Variants in GGCX observed in about 807,000 individuals in gnomAD.
The protein encoded by GGCX is vitamin K-dependent gamma-carboxylase.
A neutral mutation model predicts 88.5 loss-of-function variants in GGCX; 63 were observed. The ratio of observed to expected loss-of-function variants is 0.71; its 90% CI spans 0.58 to 0.88. GGCX has a LOEUF of 0.88. Among genes scored for constraint, GGCX ranks in the 40% least tolerant of loss-of-function variants. The pLI is 0.00. For synonymous variants in GGCX, 368 were observed against 365.8 expected (o/e 1.01, Z -0.07); for missense variants, 805 against 932.9 (o/e 0.86, Z 1.79).
Position 85,548,945 on chromosome 2 carries a change from ATGC to A in GGCX, c.*986_*988del, listed in dbSNP as rs1298001524. The A allele has an allele frequency of 6.6e-6, 1 of 152,208 alleles. No homozygotes were observed. Among genetic ancestry groups the A allele is most frequent in the Non-Finnish European group, 1.5e-5 (1 of 68,036 alleles). 9.4% of individuals were successfully genotyped at this position (152,208 alleles called of 1,614,324 possible). ...ATCTAGATTTCCTTATTTAACTTTG[ATGC>A]TGCTATTCTGACTGCTCTCATAACT... On this transcript the variant is annotated 3_prime_UTR_variant, in exon 15 of 15. Coordinates refer to ENST00000233838, the MANE Select transcript of GGCX (RefSeq NM_000821.7).
At chr2:85,561,249 T>A in intron 1 of GGCX, 137 bp downstream of exon 1, 1 of 654,888 alleles carries the variant, frequency 1.5e-6, no homozygotes. Context: ...GCTGCAAATG[T>A]CTCACAGCAC....
Position 85,552,528 on chromosome 2 carries a change from T to A in GGCX, c.1327A>T (p.Met443Leu), listed in dbSNP as rs1692006739. The change falls in exon 10 of 15, where the codon ATG (methionine) becomes TTG (leucine). Residue 443 changes from methionine to leucine, a missense_variant. Coordinates refer to ENST00000233838, the MANE Select transcript of GGCX (RefSeq NM_000821.7). ...QSRRWKDHAD[M>L]LKQYATCLSR... Reference sequence around the variant, plus strand: ...AGGCAAGTGGCATATTGCTTCAGCATGTCTGCATGATCCTTCCATCGCCGA... The same window carrying A: ...AGGCAAGTGGCATATTGCTTCAGCAAGTCTGCATGATCCTTCCATCGCCGA... 6.2e-7 allele frequency: 1 copy of A among 1,613,976 alleles called. No homozygotes were observed.
chr2:85,552,360 T>C, intron 10 of GGCX, 56 bp downstream of exon 10: 1 of 1,520,768 alleles, frequency 6.6e-7, no homozygotes, highest in Middle Eastern at 1.7e-4. Context: ...GGGCTGTTCA[T>C]CTTGGTAAAA....
rs752334469 is a variant in GGCX at position 85,558,460 on chromosome 2, G to C, written c.519C>G (p.Phe173Leu). 5 of 1,613,964 alleles carry C rather than the reference G, an allele frequency of 3.1e-6. No homozygotes were observed. Among genetic ancestry groups the C allele is most frequent in the Non-Finnish European group, 4.2e-6 (5 of 1,179,882 alleles). Reference sequence around the variant, plus strand: ...CATACCAGTAGTGGTTTGCATCCATGAATGTTAGCTGAAAGGCCAACAACC... The same window carrying C: ...CATACCAGTAGTGGTTTGCATCCATCAATGTTAGCTGAAAGGCCAACAACC... ...LYGLLAFQLTFMDANHYWSVD... is the reference protein window; with the variant it reads ...LYGLLAFQLTLMDANHYWSVD... The change falls in exon 4 of 15, where the codon TTC (phenylalanine) becomes TTG (leucine). Residue 173 changes from phenylalanine (F) to leucine (L), a missense_variant. Phe to Leu is a conservative substitution (Grantham distance 22). Around this residue, in one of 3 missense-constraint regions of GGCX, gnomAD observed 680 missense variants for 763.7 expected, o/e 0.89. Coordinates refer to ENST00000233838, the MANE Select transcript of GGCX (RefSeq NM_000821.7).
In GGCX at chr2:85,550,107, A is replaced by C. The variant is rs1691865304; in HGVS notation, c.2104T>G (p.Ser702Ala). 2 of 1,613,452 alleles carry C rather than the reference A, an allele frequency of 1.2e-6. No homozygotes were observed. The highest frequency in any genetic ancestry group is 2.7e-5 in the African/African-American group (2 of 74,914). ...FRRSFLMTCI[S>A]LRNLILGRPS... ...CGGCCTAATATCAGATTTCGAAGTG[A>C]GATACAAGTCATCAGGAAGCTGAAA... is the stretch of plus-strand genomic sequence containing the variant. Residue 702 changes from serine to alanine, a missense_variant, in exon 15 of 15, where the codon TCA becomes GCA. Ser to Ala is a moderately conservative substitution (Grantham distance 99). Around this residue, in one of 3 missense-constraint regions of GGCX, gnomAD observed 680 missense variants for 763.7 expected, o/e 0.89. Transcript: ENST00000233838.
Position 85,551,085 on chromosome 2 carries a change from A to G in GGCX, c.1741-13T>C. ...CACCAGCAGGCAACTGACAAGGGAG[A>G]AGAAATGGATAAATTTCATCAGCTT... On this transcript the variant is annotated splice_polypyrimidine_tract_variant and intron_variant, in intron 12 of 14. Transcript: ENST00000233838. 6.2e-7 allele frequency: 1 copy of G among 1,612,830 alleles called. No homozygotes were observed. The highest frequency in any genetic ancestry group is 8.5e-7 in the Non-Finnish European group (1 of 1,178,938).
rs757424657 is a variant in GGCX at position 85,554,128 on chromosome 2, G to T, written c.889+15C>A. ...AACTGTGGTTCCTGTTTCCTCCCAG[G>T]CTACAGGTACTGACCAATGCTGAAA... On this transcript the variant is annotated intron_variant, in intron 7 of 14. Transcript: ENST00000233838. 1.2e-5 allele frequency: 19 copies of T among 1,604,180 alleles called. No homozygotes were observed. Among genetic ancestry groups the T allele is most frequent in the Non-Finnish European group, 1.6e-5 (19 of 1,171,084 alleles).
In GGCX at chr2:85,556,190, G is replaced by A. The variant is rs1558810558; in HGVS notation, c.610C>T (p.Arg204Cys). The change falls in exon 5 of 15, where the codon CGT (arginine) becomes TGT (cysteine). Residue 204 changes from arginine (R) to cysteine (C), a missense_variant. By Grantham distance (180) the Arg-to-Cys change is radical (BLOSUM62 -3). Around this residue, in one of 3 missense-constraint regions of GGCX, gnomAD observed 680 missense variants for 763.7 expected, o/e 0.89. Transcript: ENST00000233838. Reference protein sequence around the residue: ...HVPLWNYAVLRGQIFIVYFIA... With the variant: ...HVPLWNYAVLCGQIFIVYFIA... Reference sequence around the variant, plus strand: ...GTCCTAAAATGCTGTACCTGGCCACGGAGCACTGCATAGTTCCAAAGGGGC... The same window carrying A: ...GTCCTAAAATGCTGTACCTGGCCACAGAGCACTGCATAGTTCCAAAGGGGC... 1.9e-6 allele frequency: 3 copies of A among 1,606,342 alleles called. No homozygotes were observed. The highest frequency in any genetic ancestry group is 1.3e-5 in the African/African-American group (1 of 74,730).
At chr2:85,556,115 C>T in intron 5 of GGCX, 67 bp downstream of exon 5, 1 of 922,052 alleles carries the variant, frequency 1.1e-6, no homozygotes, top group Non-Finnish European at 1.8e-6. Flanking sequence ...TGTAGTCTGG[C>T]AGTGGGATGG....
chr2:85,554,356 C>T (rs1283648326), intron 6 of GGCX, 50 bp from the exon 7 acceptor site: 2 of 1,561,324 alleles, frequency 1.3e-6, no homozygotes, highest in Non-Finnish European at 1.8e-6. Flanking sequence ...GAGAACACAT[C>T]AAAGCACATT....
intron 8 of GGCX, 80 bp downstream of exon 8, chr2:85,553,152 A>G: frequency 6.2e-7 from 1 of 1,612,088 alleles, no homozygotes; most frequent in Non-Finnish European, 8.5e-7. Context: ...CTGCAAAACC[A>G]GCCCCATTCT....
intron 12 of GGCX, 120 bp from the exon 13 acceptor site, chr2:85,551,192 G>A (rs1274237817): frequency 6.9e-6 from 7 of 1,020,674 alleles, no homozygotes; most frequent in Non-Finnish European, 9.1e-6. Flanking sequence ...CGAAAGTAAC[G>A]GACCTCTAGA....
chr2:85,554,169 C>G lies in GGCX; in HGVS notation c.863G>C (p.Cys288Ser), dbSNP rs1692101538. The change falls in exon 7 of 15, where the codon TGC becomes TCC. Residue 288 changes from cysteine (C) to serine (S), a missense_variant. By Grantham distance (112) the Cys-to-Ser change is moderately radical. This residue lies in a region of GGCX where 680 missense variants were observed against 763.7 expected (regional missense o/e 0.89). Transcript: ENST00000233838. ...IGLFFVSYFHCMNSQLFSIGM... is the reference protein window; with the variant it reads ...IGLFFVSYFHSMNSQLFSIGM... ...AATGCTGAAAAGCTGGGAATTCATGCAGTGGAAGTAGGACACAAAGAACAG... is the reference window on the plus strand; with the variant it reads ...AATGCTGAAAAGCTGGGAATTCATGGAGTGGAAGTAGGACACAAAGAACAG... 1 of 1,613,028 alleles carries G rather than the reference C, an allele frequency of 6.2e-7. No homozygotes were observed. The highest frequency in any genetic ancestry group is 8.5e-7 in the Non-Finnish European group (1 of 1,179,072).
intron 13 of GGCX, 82 bp downstream of exon 13, chr2:85,550,843 T>C (rs1305403057): frequency 1.3e-6 from 2 of 1,577,810 alleles, no homozygotes; most frequent in African/African-American, 2.7e-5. Context: ...TTCAAGTTCA[T>C]TCTTGAATGG....
rs757234491 is a variant in GGCX, at chr2:85,558,484, C to A, written c.495G>T (p.Gly165=). ...TSWNNHSYLY[G]LLAFQLTFMD... The stretch of plus-strand genomic sequence containing the variant: ...TGAATGTTAGCTGAAAGGCCAACAA[C>A]CCATACAGATAGGAGTGGTTGTTCC... The change falls in exon 4 of 15, where the codon GGG becomes GGT. Residue 165 remains glycine (G), a synonymous_variant. Coordinates refer to ENST00000233838, the MANE Select transcript of GGCX (RefSeq NM_000821.7). 1.9e-6 allele frequency: 3 copies of A among 1,613,926 alleles called. No individual in the cohort carries two copies. In the South Asian group the frequency reaches 3.3e-5, roughly 18 times the overall value.
Position 85,545,676 on chromosome 2 carries a change from T to C in GGCX, c.*4258A>G, listed in dbSNP as rs1271359810. The C allele has an allele frequency of 6.6e-6, 1 of 151,578 alleles. No homozygotes were observed. 9.4% of individuals were successfully genotyped at this position (151,578 alleles called of 1,614,324 possible). A position where few individuals can be genotyped will look rare whatever the true frequency, so the allele number is the denominator to read the frequency against. Reference sequence around the variant, plus strand: ...GCCATTCAATGCCATTTTTAAGTTTTCAACTAAGGTTGAGGGCTTCAAACC... The same window carrying C: ...GCCATTCAATGCCATTTTTAAGTTTCCAACTAAGGTTGAGGGCTTCAAACC... On this transcript the variant is annotated 3_prime_UTR_variant, in exon 15 of 15. Transcript: ENST00000233838.
In GGCX at chr2:85,549,709, C is replaced by T. The variant is rs72843839; in HGVS notation, c.*225G>A. ...ATCCTAGGAGGACAGTTTCACATTGCGTCTAACCTCTTCCTGGCCTCTTAA... is the reference window on the plus strand; with the variant it reads ...ATCCTAGGAGGACAGTTTCACATTGTGTCTAACCTCTTCCTGGCCTCTTAA... On this transcript the variant is annotated 3_prime_UTR_variant, in exon 15 of 15. Coordinates refer to ENST00000233838, the MANE Select transcript of GGCX (RefSeq NM_000821.7). 0.042 allele frequency: 22,887 copies of T among 541,046 alleles called. 664 individuals carry two copies. The highest frequency in any genetic ancestry group is 0.11 in the African/African-American group (5,813 of 52,394). 33.5% of individuals were successfully genotyped at this position (541,046 alleles called of 1,614,324 possible).
rs1252935031 is a variant in GGCX at position 85,545,725 on chromosome 2, A to C, written c.*4209T>G. 1 of 152,156 alleles carries C rather than the reference A, an allele frequency of 6.6e-6. No individual in the cohort carries two copies. Among genetic ancestry groups the C allele is most frequent in the Non-Finnish European group, 1.5e-5 (1 of 68,038 alleles). The allele number at this position is 152,156 out of a possible 1,614,324, so 9.4% of individuals were successfully genotyped here. On this transcript the variant is annotated 3_prime_UTR_variant, in exon 15 of 15. Coordinates refer to ENST00000233838, the MANE Select transcript of GGCX (RefSeq NM_000821.7). ...CCATTGAAGGCATAAAAACCGCTAA[A>C]AGTATTAACCTGGAAGTGGTAATGT...
rs1290853985 is a variant in GGCX, at chr2:85,548,080, C to T, written c.*1854G>A. On this transcript the variant is annotated 3_prime_UTR_variant, in exon 15 of 15. Coordinates refer to ENST00000233838, the MANE Select transcript of GGCX (RefSeq NM_000821.7). The stretch of plus-strand genomic sequence containing the variant: ...GGCGTGGTGGTGGGCACCTGTAGTC[C>T]CAGCTACATGGGAGGCTGAAGTGGA... The T allele has an allele frequency of 1.3e-5, 2 of 152,022 alleles. No homozygotes were observed. Among genetic ancestry groups the T allele is most frequent in the Non-Finnish European group, 2.9e-5 (2 of 68,030 alleles). 9.4% of individuals were successfully genotyped at this position (152,022 alleles called of 1,614,324 possible). A position where few individuals can be genotyped will look rare whatever the true frequency, so the allele number is the denominator to read the frequency against.
Sources: allele counts gnomAD v4.1 joint callset, GRCh38; gene constraint gnomAD v4.1.1; regional missense constraint gnomAD v4.1.1; transcripts MANE v1.5; gene names NCBI Gene and HGNC (gene_info 2026-07-23, HGNC 2026-07-21).